Variants in CENPP observed in about 807,000 individuals in gnomAD.
CENPP encodes centromere protein P.
A neutral mutation model predicts 35.6 loss-of-function variants in CENPP; 24 were observed. The ratio of observed to expected loss-of-function variants is 0.67; its 90% confidence interval spans 0.49 to 0.95. CENPP has a LOEUF of 0.95. Ranked by LOEUF, CENPP falls within the 40% of genes least tolerant of loss-of-function variation. The pLI is 0.00. For missense variants in CENPP, 332 were observed against 345.3 expected (o/e 0.96, Z 0.31); for synonymous variants, 120 against 125.5 (o/e 0.96, Z 0.29).
intron 5 of CENPP, among the ~76,000 whole-genome samples, chr9:92,533,338 T>TAA (rs1563991533): frequency 9.1e-6 from 1 of 109,406 alleles, no homozygotes; most frequent in Non-Finnish European, 1.8e-5. Context: ...AATATATATA[T>TAA]ATATATATAT....
chr9:92,409,492 T>C (rs1843390252), intron 5 of CENPP, among the ~76,000 whole-genome samples: 1 of 152,234 alleles, frequency 6.6e-6, no homozygotes, highest in African/African-American at 2.4e-5. Context: ...TTTACTTTAG[T>C]GCTCCCAAGC....
rs971812178 is a variant in CENPP at position 92,617,768 on chromosome 9, G to A, written c.*4619G>A. ...TGTTTCAAATGGGAGGTCGAGAGGAGCATCAGGGTTTAGGCCGGGAAGCTG... is the reference window on the plus strand; with the variant it reads ...TGTTTCAAATGGGAGGTCGAGAGGAACATCAGGGTTTAGGCCGGGAAGCTG... On this transcript the variant is annotated 3_prime_UTR_variant, in exon 8 of 8. Transcript: ENST00000375587. 1.7e-5 allele frequency: 3 copies of A among 174,782 alleles called. No individual in the cohort carries two copies. Among genetic ancestry groups the A allele is most frequent in the Non-Finnish European group, 3.7e-5 (3 of 81,636 alleles). The allele number at this position is 174,782 out of a possible 1,614,324, so 10.8% of individuals were successfully genotyped here.
At chr9:92,405,557 G>T (rs772078540) in intron 5 of CENPP, among the ~76,000 whole-genome samples, 1 of 152,118 alleles carries the variant, frequency 6.6e-6, no homozygotes, top group Non-Finnish European at 1.5e-5. Flanking sequence ...GGCTTGAGTT[G>T]ATATAAATTG....
At chr9:92,383,571 A>G (rs952680424) in intron 5 of CENPP, among the ~76,000 whole-genome samples, 1 of 152,146 alleles carries the variant, frequency 6.6e-6, no homozygotes, top group Non-Finnish European at 1.5e-5. Flanking sequence ...GCATATTTTT[A>G]CTTTCTCTAA....
At chr9:92,401,229 G>T in intron 5 of CENPP, 1 of 850,604 alleles carries the variant, frequency 1.2e-6, no homozygotes, top group East Asian at 2.5e-5. Context: ...CATTAAGTCT[G>T]TGTTTCTCTG....
chr9:92,341,062 C>G (rs182333744), intron 3 of CENPP, among the ~76,000 whole-genome samples: 1 of 152,204 alleles, frequency 6.6e-6, no homozygotes, highest in South Asian at 2.1e-4. Context: ...TATAAACAGC[C>G]CCCCCAGGGG....
chr9:92,364,682 C>A (rs748189439), intron 4 of CENPP, among the ~76,000 whole-genome samples: 1 of 152,028 alleles, frequency 6.6e-6, no homozygotes, highest in African/African-American at 2.4e-5. Context: ...ATGTTAAAAG[C>A]ATATTATGTA....
intron 4 of CENPP, among the ~76,000 whole-genome samples, chr9:92,362,413 C>CT (rs979155229): frequency 6.6e-6 from 1 of 152,054 alleles, no homozygotes; most frequent in Non-Finnish European, 1.5e-5. Context: ...TTTCTTTCTA[C>CT]TTTTTTCCCC....
At chr9:92,431,120 A>T (rs550795469) in intron 5 of CENPP, among the ~76,000 whole-genome samples, 25 of 152,120 alleles carry the variant, frequency 1.6e-4, no homozygotes, top group South Asian at 1.3e-3. Flanking sequence ...AATTTAAAAA[A>T]TTTTTTTGCA....
rs148376603 is a variant in CENPP at position 92,466,598 on chromosome 9, A to G, written c.564+86739A>G. On this transcript the variant is annotated intron_variant, in intron 5 of 7. Coordinates refer to ENST00000375587, the MANE Select transcript of CENPP (RefSeq NM_001012267.3). The stretch of plus-strand genomic sequence containing the variant: ...TTGATCAAGCATAGAAAGTTACACA[A>G]TATTAGGAAGTGGATTTGATTTACC... The G allele has an allele frequency of 2.6e-4, 411 of 1,572,904 alleles. 1 individual carries two copies. The East Asian group carries it at 7.4e-3, about 28-fold the overall frequency.
intron 5 of CENPP, among the ~76,000 whole-genome samples, chr9:92,587,612 A>T (rs563881247): frequency 6.6e-6 from 1 of 152,376 alleles, no homozygotes; most frequent in South Asian, 2.1e-4. Flanking sequence ...ATATTGTATG[A>T]TTCCATTTAT....
chr9:92,326,626 A>G (rs113409512), intron 1 of CENPP, among the ~76,000 whole-genome samples: 5 of 152,212 alleles, frequency 3.3e-5, no homozygotes, highest in Admixed American at 1.3e-4. Flanking sequence ...GCCCTGTTTT[A>G]TAGTTGAAGA....
intron 5 of CENPP, among the ~76,000 whole-genome samples, chr9:92,563,791 C>T (rs1849900813): frequency 6.7e-6 from 1 of 149,464 alleles, no homozygotes; most frequent in Admixed American, 6.6e-5. Flanking sequence ...CCCTCTTCCT[C>T]CTCCTCCTCC....
intron 5 of CENPP, among the ~76,000 whole-genome samples, chr9:92,456,006 G>A (rs1281516863): frequency 6.6e-6 from 1 of 152,170 alleles, no homozygotes; most frequent in Non-Finnish European, 1.5e-5. Flanking sequence ...AGGAGGCGGA[G>A]GTTGCAGTGA....
At chr9:92,351,338 G>T (rs1337272787) in intron 4 of CENPP, among the ~76,000 whole-genome samples, 1 of 151,938 alleles carries the variant, frequency 6.6e-6, no homozygotes, top group Non-Finnish European at 1.5e-5. Flanking sequence ...AAACTAGCTG[G>T]GCATGGTGGC....
At chr9:92,427,135 T>C (rs1270986546) in intron 5 of CENPP, among the ~76,000 whole-genome samples, 1 of 152,190 alleles carries the variant, frequency 6.6e-6, no homozygotes, top group East Asian at 1.9e-4. Flanking sequence ...GCTGTGAACC[T>C]AAAACTGCTC....
At chr9:92,403,998 G>A (rs888134365) in intron 5 of CENPP, among the ~76,000 whole-genome samples, 1 of 152,086 alleles carries the variant, frequency 6.6e-6, no homozygotes. Context: ...TCTTAGTTTT[G>A]TAATTTTAAT....
chr9:92,361,481 T>C (rs1444221618), intron 4 of CENPP, among the ~76,000 whole-genome samples: 3 of 137,922 alleles, frequency 2.2e-5, no homozygotes, highest in Non-Finnish European at 4.7e-5. Context: ...TTATTTTATT[T>C]TATTTTATTT....
chr9:92,403,264 C>T (rs972275277), intron 5 of CENPP: 8 of 1,598,796 alleles, frequency 5.0e-6, no homozygotes, highest in Non-Finnish European at 6.8e-6. Flanking sequence ...GGTATTTATC[C>T]TCATAATCTT....
Sources: allele counts gnomAD v4.1 joint callset (sites outside exome capture counted in the v4.1 genomes callset), GRCh38; gene constraint gnomAD v4.1.1; transcripts MANE v1.5; gene names NCBI Gene and HGNC (gene_info 2026-07-23, HGNC 2026-07-21).